Variants in FREM2 observed in about 807,000 individuals in gnomAD.
The protein encoded by FREM2 is FRAS1-related extracellular matrix protein 2.
Under a neutral mutation model 219.9 loss-of-function variants are expected in FREM2, and 119 were observed. The ratio of observed to expected loss-of-function variants is 0.54; its 90% CI spans 0.47 to 0.63. The LOEUF is 0.63. Among genes scored for constraint, FREM2 ranks in the 30% least tolerant of loss-of-function variants. The pLI is 0.00. For missense variants in FREM2, 4,030 were observed against 3,993.6 expected (o/e 1.01, Z -0.25); for synonymous variants, 1,562 against 1,522.8 (o/e 1.03, Z -0.60).
At position 38,867,487 on chromosome 13, in the gene FREM2, C is replaced by T. The variant is rs568409478; in HGVS notation, c.7983+2881C>T. On this transcript the variant is annotated intron_variant, in intron 16 of 23. Transcript: ENST00000280481. ...TGTTGCTTACTCTCTTGAAGTGAAA[C>T]TTAGAGATGTTGTGTTAGTCAGGGT... Among the ~76,000 whole-genome samples, 50 of 152,240 alleles carry T rather than the reference C, an allele frequency of 3.3e-4. No individual in the cohort carries two copies. In the South Asian group the frequency reaches 8.1e-3, roughly 25 times the overall value.
intron 16 of FREM2, among the ~76,000 whole-genome samples, chr13:38,865,618 C>T (rs1023052611): frequency 4.6e-5 from 7 of 152,248 alleles, no homozygotes; most frequent in Middle Eastern, 3.4e-3. Context: ...GATAATCCCA[C>T]AGTAAAGCTG....
At chr13:38,760,286 T>A (rs371004709) in intron 2 of FREM2, among the ~76,000 whole-genome samples, 9 of 152,330 alleles carry the variant, frequency 5.9e-5, no homozygotes, top group East Asian at 1.9e-4. Flanking sequence ...AAGTAAAATC[T>A]CAAGGTGGTG....
Position 38,689,958 on chromosome 13 carries a change from C to T in FREM2, c.2614C>T (p.Pro872Ser). 6.2e-7 allele frequency: 1 copy of T among 1,614,118 alleles called. No individual in the cohort carries two copies. Among genetic ancestry groups the T allele is most frequent in the South Asian group, 1.1e-5 (1 of 91,078 alleles). ...TATCTCTTTCACTCTCACTCAGGCACCCAAACATGGCCACATGAGAGTGTC... is the reference window on the plus strand; with the variant it reads ...TATCTCTTTCACTCTCACTCAGGCATCCAAACATGGCCACATGAGAGTGTC... ...AHISFTLTQA[P>S]KHGHMRVSGQ... is the part of the protein sequence containing the mutation. Residue 872 changes from proline (P) to serine (S), a missense_variant, in exon 1 of 24, where the codon CCC becomes TCC. This residue lies in a region of FREM2 where 3,102 missense variants were observed against 2,950.7 expected (regional missense o/e 1.05). Transcript: ENST00000280481.
intron 2 of FREM2, among the ~76,000 whole-genome samples, chr13:38,722,767 A>G (rs1871342328): frequency 1.4e-5 from 2 of 143,376 alleles, no homozygotes; most frequent in Non-Finnish European, 3.0e-5. Flanking sequence ...TTTTCATCCT[A>G]CTGCCTGTCC....
chr13:38,810,909 G>T (rs1332797168), intron 6 of FREM2, among the ~76,000 whole-genome samples: 1 of 151,842 alleles, frequency 6.6e-6, no homozygotes, highest in African/African-American at 2.4e-5. Context: ...AAATGTTTTG[G>T]TAGAATTCAG....
chr13:38,807,189 T>TATATATATATATATATATATA lies in FREM2; in HGVS notation c.6019+22381_6019+22382insATATATATATATATATATATA, dbSNP rs1555268805. ...CCTTTTTGCAGAGATCTTGTCTCTG[T>TATATATATATATATATATATA]TATATATATATATATATATATATAT... On this transcript the variant is annotated intron_variant, in intron 6 of 23. Transcript: ENST00000280481. Among the ~76,000 whole-genome samples the TATATATATATATATATATATA allele has an allele frequency of 6.4e-4, 29 of 45,382 alleles. 9 individuals carry two copies. Among genetic ancestry groups the TATATATATATATATATATATA allele is most frequent in the Non-Finnish European group, 1.2e-3 (26 of 22,416 alleles). 29.8% of individuals were successfully genotyped at this position (45,382 alleles called of 152,430 possible). A position where few individuals can be genotyped will look rare whatever the true frequency, so the allele number is the denominator to read the frequency against.
intron 2 of FREM2, among the ~76,000 whole-genome samples, chr13:38,711,389 G>T (rs1300813885): frequency 1.3e-5 from 2 of 152,022 alleles, no homozygotes; most frequent in African/African-American, 2.4e-5. Flanking sequence ...AAAAAAATAA[G>T]TGATGTTACT....
Position 38,859,539 on chromosome 13 carries a change from G to T in FREM2, c.7468G>T (p.Asp2490Tyr). 6.2e-7 allele frequency: 1 copy of T among 1,614,058 alleles called. No individual in the cohort carries two copies. The highest frequency in any genetic ancestry group is 1.1e-5 in the South Asian group (1 of 91,068). ...CAARAVNTNG[D>Y]EGLELMSPIV... ...AGCTCGTGCTGTGAACACCAATGGG[G>T]ATGAAGGCCTGGAGCTCATGAGCCC... is the stretch of plus-strand genomic sequence containing the variant. The change falls in exon 14 of 24, where the codon GAT (aspartate) becomes TAT (tyrosine). Residue 2490 changes from aspartate (D) to tyrosine (Y), a missense_variant. This residue lies in a region of FREM2 where 928 missense variants were observed against 1,042.9 expected (regional missense o/e 0.89). Coordinates refer to ENST00000280481, the MANE Select transcript of FREM2 (RefSeq NM_207361.6).
chr13:38,785,279 G>T (rs1189957185), intron 6 of FREM2, among the ~76,000 whole-genome samples: 5 of 152,124 alleles, frequency 3.3e-5, no homozygotes, highest in African/African-American at 1.2e-4. Context: ...AAGCCACTCT[G>T]CCCCAAAACA....
intron 6 of FREM2, 35 bp downstream of exon 6, chr13:38,784,843 G>A (rs767403017): frequency 3.0e-5 from 48 of 1,610,088 alleles, no homozygotes; most frequent in Middle Eastern, 3.3e-4. Flanking sequence ...TCTTTTTCCC[G>A]GGAAGATCAA....
At chr13:38,805,716 C>T (rs746172715) in intron 6 of FREM2, among the ~76,000 whole-genome samples, 1 of 151,812 alleles carries the variant, frequency 6.6e-6, no homozygotes, top group Non-Finnish European at 1.5e-5. Context: ...TGAAAGGTTA[C>T]CAGACTATAT....
chr13:38,767,142 C>T (rs192945594), intron 3 of FREM2, among the ~76,000 whole-genome samples: 2 of 152,314 alleles, frequency 1.3e-5, no homozygotes. Flanking sequence ...CATAAATCCT[C>T]CACTGAGATA....
rs1878332856 is a variant in FREM2, at chr13:38,876,163, A to G, written c.8409+14A>G. The G allele has an allele frequency of 6.2e-7, 1 of 1,613,888 alleles. No homozygotes were observed. Among genetic ancestry groups the G allele is most frequent in the South Asian group, 1.1e-5 (1 of 91,066 alleles). On this transcript the variant is annotated intron_variant, in intron 19 of 23. Transcript: ENST00000280481. ...TCTGACTTTGCCGTAAGTGACTAAG[A>G]CTCTTAATTAATTTTCTTCTGCTGC...
chr13:38,873,690 A>G (rs1878247073), intron 17 of FREM2, among the ~76,000 whole-genome samples: 1 of 152,212 alleles, frequency 6.6e-6, no homozygotes, highest in South Asian at 2.1e-4. Context: ...GATTCCACAA[A>G]CATCCATAGT....
rs1479739894 is a variant in FREM2 at position 38,880,587 on chromosome 13, A to C, written c.9310A>C (p.Ser3104Arg). Reference sequence around the variant, plus strand: ...TGGCATCCTCCCCTGGGAGCTCAACAGCCCCAGCTCTGCAGTCAGCCTGGT... The same window carrying C: ...TGGCATCCTCCCCTGGGAGCTCAACCGCCCCAGCTCTGCAGTCAGCCTGGT... Reference protein sequence around the residue: ...PDGILPWELNSPSSAVSLVTV... With the variant: ...PDGILPWELNRPSSAVSLVTV... Residue 3104 changes from serine to arginine, a missense_variant, in exon 24 of 24, where the codon AGC becomes CGC. Transcript: ENST00000280481. The C allele has an allele frequency of 6.2e-7, 1 of 1,614,054 alleles. No homozygotes were observed. The highest frequency in any genetic ancestry group is 2.2e-5 in the East Asian group (1 of 44,860).
rs1421726804 is a variant in FREM2, at chr13:38,846,595, T to C, written c.6042T>C (p.Asp2014=). ...CAGAACCCATCTTTTACTTCGGTGA[T>C]GTGGAATACTCTGTGGATGAGAGTG... ...KDDEPIFYFG[D]VEYSVDESAG... Residue 2014 remains aspartate (D), a synonymous_variant, in exon 7 of 24, where the codon GAT becomes GAC. Coordinates refer to ENST00000280481, the MANE Select transcript of FREM2 (RefSeq NM_207361.6). The C allele has an allele frequency of 6.2e-7, 1 of 1,613,610 alleles. No individual in the cohort carries two copies. Among genetic ancestry groups the C allele is most frequent in the Non-Finnish European group, 8.5e-7 (1 of 1,179,780 alleles).
chr13:38,706,993 C>T lies in FREM2; in HGVS notation c.5263+9206C>T, dbSNP rs150806783. 1.8e-3 allele frequency among the ~76,000 whole-genome samples: 279 copies of T among 152,248 alleles called. 1 individual carries two copies. Among genetic ancestry groups the T allele is most frequent in the African/African-American group, 5.9e-3 (244 of 41,558 alleles). ...AAATGTGGATTGATTTCATAATGTA[C>T]ATTTTCTAAGAGCAAAAATATTTGT... On this transcript the variant is annotated intron_variant, in intron 2 of 23. Transcript: ENST00000280481.
chr13:38,772,160 T>C (rs184183592), intron 4 of FREM2, among the ~76,000 whole-genome samples: 63 of 152,296 alleles, frequency 4.1e-4, no homozygotes, highest in Admixed American at 1.8e-3. Context: ...ATGTTTTGTT[T>C]TCAAAATTAA....
At chr13:38,840,703 T>TAC (rs140273293) in intron 6 of FREM2, among the ~76,000 whole-genome samples, 22 of 149,024 alleles carry the variant, frequency 1.5e-4, no homozygotes, top group East Asian at 5.9e-4. Flanking sequence ...TGTGCATATA[T>TAC]ACACACACAC....
Sources: gnomAD v4.1 joint callset for allele counts (sites outside exome capture counted in the v4.1 genomes callset) on GRCh38, gnomAD v4.1.1 for gene constraint, gnomAD v4.1.1 regional missense constraint, MANE v1.5 for transcripts, NCBI Gene and HGNC (gene_info 2026-07-23, HGNC 2026-07-21) for gene names.